Variants in LBR observed in about 807,000 individuals in gnomAD.
LBR encodes lamin B receptor, also known as delta(14)-sterol reductase LBR.
Under a neutral mutation model 74.3 loss-of-function variants are expected in LBR, and 28 were observed. That is an observed-to-expected ratio of 0.38 (90% CI 0.28 to 0.52). LBR has a LOEUF of 0.52. Among genes scored for constraint, LBR ranks in the 20% least tolerant of loss-of-function variants. LBR has a pLI of 0.89. For missense variants in LBR, 717 were observed against 760.3 expected (o/e 0.94, Z 0.67); for synonymous variants, 228 against 269.3 (o/e 0.85, Z 1.50).
At position 225,412,543 on chromosome 1, in the gene LBR, G is replaced by C. The variant is rs141647564; in HGVS notation, c.995C>G (p.Ala332Gly). 3.7e-6 allele frequency: 6 copies of C among 1,613,694 alleles called. No homozygotes were observed. The highest frequency in any genetic ancestry group is 1.6e-4 in the Middle Eastern group (1 of 6,062). The change falls in exon 8 of 14, where the codon GCG becomes GGG. Residue 332 changes from alanine to glycine, a missense_variant. By Grantham distance (60) the Ala-to-Gly change is moderately conservative. Coordinates refer to ENST00000272163, the MANE Select transcript of LBR (RefSeq NM_002296.4). Reference sequence around the variant, plus strand: ...CAAGACCACACAAAAAACAGTGGCCGCAAGTGCAAACTGAAGAAAATGACT... The same window carrying C: ...CAAGACCACACAAAAAACAGTGGCCCCAAGTGCAAACTGAAGAAAATGACT... Reference protein sequence around the residue: ...VYSHFLQFALAATVFCVVLSV... With the variant: ...VYSHFLQFALGATVFCVVLSV...
chr1:225,428,350 G>A (rs1212668942), upstream of LBR, among the ~76,000 whole-genome samples: 1 of 152,184 alleles, frequency 6.6e-6, no homozygotes, highest in African/African-American at 2.4e-5. Context: ...CGCCCTCGCA[G>A]CACACGGAGC....
chr1:225,427,340 G>C (rs545539422), intron 1 of LBR: 1 of 152,380 alleles, frequency 6.6e-6, no homozygotes, highest in South Asian at 2.1e-4. Flanking sequence ...CCCGATTTTT[G>C]AGACTGTCCG....
intron 9 of LBR, 46 bp from the exon 10 acceptor site, chr1:225,410,462 A>G (rs758072277): frequency 1.2e-5 from 20 of 1,604,086 alleles, no homozygotes; most frequent in Admixed American, 1.7e-5. Context: ...ACCTCCCCAG[A>G]GACCTTAGCA....
intron 7 of LBR, among the ~76,000 whole-genome samples, 164 bp from the exon 8 acceptor site, chr1:225,412,809 A>AT (rs2096109001): frequency 2.6e-5 from 4 of 152,230 alleles, no homozygotes; most frequent in Non-Finnish European, 5.9e-5. Flanking sequence ...CTGAGGTATA[A>AT]TTTTCAATAT....
chr1:225,402,929 T>A lies in LBR; in HGVS notation c.*374A>T. The A allele has an allele frequency of 5.2e-6, 1 of 192,652 alleles. No homozygotes were observed. The highest frequency in any genetic ancestry group is 1.1e-5 in the Non-Finnish European group (1 of 92,488). The allele number at this position is 192,652 out of a possible 1,614,324, so 11.9% of individuals were successfully genotyped here. A position where few individuals can be genotyped will look rare whatever the true frequency, so the allele number is the denominator to read the frequency against. ...ACTTTAAATGGAACAGTGTTTTCAT[T>A]TAAGAAAAGCCAACTGGCAAAAAAA... On this transcript the variant is annotated 3_prime_UTR_variant, in exon 14 of 14. Transcript: ENST00000272163.
In LBR at chr1:225,403,206, T is replaced by C; in HGVS notation, c.*97A>G. The C allele has an allele frequency of 8.6e-7, 1 of 1,158,830 alleles. No individual in the cohort carries two copies. Among genetic ancestry groups the C allele is most frequent in the Admixed American group, 1.7e-5 (1 of 59,192 alleles). The allele number at this position is 1,158,830 out of a possible 1,614,324, so 71.8% of individuals were successfully genotyped here. A position where few individuals can be genotyped will look rare whatever the true frequency, so the allele number is the denominator to read the frequency against. On this transcript the variant is annotated 3_prime_UTR_variant, in exon 14 of 14. Coordinates refer to ENST00000272163, the MANE Select transcript of LBR (RefSeq NM_002296.4). ...AAAAGAAAAAAAAAAGTACAGACCC[T>C]GTCAGTGCAACAAAAGAAAGTTTCG...
At chr1:225,409,594 T>C (rs1439156684) in intron 10 of LBR, among the ~76,000 whole-genome samples, 1 of 152,092 alleles carries the variant, frequency 6.6e-6, no homozygotes, top group Admixed American at 6.5e-5. Flanking sequence ...GTTTTTAATA[T>C]GGAAAGAAAA....
chr1:225,409,547 T>G (rs954123463), intron 10 of LBR, among the ~76,000 whole-genome samples: 2 of 152,240 alleles, frequency 1.3e-5, no homozygotes, highest in African/African-American at 4.8e-5. Context: ...TCACTAAAAC[T>G]TGTTTTGGAA....
At position 225,411,392 on chromosome 1, in the gene LBR, A is replaced by G; in HGVS notation, c.1133T>C (p.Ile378Thr). ...FFIGRELNPR[I>T]GTFDLKYFCE... is the part of the protein sequence containing the mutation. ...AAAGTATTTGAGATCAAAAGTACCA[A>G]TTCGAGGGTTTAATTCACGGCCAAT... is the stretch of plus-strand genomic sequence containing the variant. Residue 378 changes from isoleucine to threonine, a missense_variant, in exon 9 of 14, where the codon ATT (isoleucine) becomes ACT (threonine). By Grantham distance (89) the Ile-to-Thr change is moderately conservative (BLOSUM62 -1). Coordinates refer to ENST00000272163, the MANE Select transcript of LBR (RefSeq NM_002296.4). 1 of 1,614,138 alleles carries G rather than the reference A, an allele frequency of 6.2e-7. No homozygotes were observed.
Position 225,411,574 on chromosome 1 carries a change from A to G in LBR, c.1085-134T>C, listed in dbSNP as rs2096105724. On this transcript the variant is annotated intron_variant, in intron 8 of 13. Transcript: ENST00000272163. ...CCCTGAGCAGGGCTCTGGTGGTGAG[A>G]GGCAGACAGGACGGCACAGACGAGC... 21 of 735,378 alleles carry G rather than the reference A, an allele frequency of 2.9e-5. No individual in the cohort carries two copies. The South Asian group carries it at 2.9e-4, about 10-fold the overall frequency. The allele number at this position is 735,378 out of a possible 1,614,324, so 45.6% of individuals were successfully genotyped here. A position where few individuals can be genotyped will look rare whatever the true frequency, so the allele number is the denominator to read the frequency against.
intron 3 of LBR, 126 bp downstream of exon 3, chr1:225,421,951 C>T (rs1242858500): frequency 1.1e-6 from 1 of 919,626 alleles, no homozygotes; most frequent in Non-Finnish European, 1.7e-6. Context: ...TATATGAAAA[C>T]TCCCAAAGTC....
intron 11 of LBR, among the ~76,000 whole-genome samples, chr1:225,405,937 C>A (rs752864763): frequency 5.9e-5 from 9 of 152,184 alleles, no homozygotes; most frequent in Non-Finnish European, 1.3e-4. Flanking sequence ...TTTCCCTGCC[C>A]AACCTCTAGT....
rs377008758 is a variant in LBR, at chr1:225,403,337, C to T, written c.1814G>A (p.Arg605His). Residue 605 changes from arginine to histidine, a missense_variant, in exon 14 of 14, where the codon CGT becomes CAT. Physicochemically the swap from Arg to His is conservative, Grantham distance 29. Transcript: ENST00000272163. ...YGVAWEKYCQ[R>H]VPYRIFPYIY ...GTATGGAAATATACGGTAGGGCACA[C>T]GCTGACAGTACTTTTCCCAAGCCAC... 1.9e-5 allele frequency: 31 copies of T among 1,613,106 alleles called. No individual in the cohort carries two copies. The highest frequency in any genetic ancestry group is 3.3e-5 in the South Asian group (3 of 91,072).
At chr1:225,428,391 C>T (rs1397006324), upstream of LBR, among the ~76,000 whole-genome samples, 2 of 152,234 alleles carry the variant, frequency 1.3e-5, no homozygotes, top group African/African-American at 4.8e-5. Flanking sequence ...CCTCCCAGCG[C>T]TCGCAGCAGT....
chr1:225,421,704 A>C (rs1407160880), intron 3 of LBR, among the ~76,000 whole-genome samples: 1 of 152,258 alleles, frequency 6.6e-6, no homozygotes, highest in Non-Finnish European at 1.5e-5. Flanking sequence ...AAAGTGATAA[A>C]GTATAATGAT....
chr1:225,423,826 C>T (rs1027030476), intron 2 of LBR, 85 bp downstream of exon 2: 1 of 1,325,096 alleles, frequency 7.5e-7, no homozygotes, highest in South Asian at 1.2e-5. Flanking sequence ...CCGAGCTGAA[C>T]TGACTATCCT....
chr1:225,424,156 A>G, intron 1 of LBR, 67 bp from the exon 2 acceptor site: 2 of 1,193,184 alleles, frequency 1.7e-6, no homozygotes, highest in Non-Finnish European at 2.5e-6. Context: ...CTTTTTCCAC[A>G]GGCTGATCAC....
intron 10 of LBR, among the ~76,000 whole-genome samples, chr1:225,407,892 T>G (rs2096095808): frequency 6.6e-6 from 1 of 152,000 alleles, no homozygotes; most frequent in Admixed American, 6.6e-5. Flanking sequence ...GAGTACTTTA[T>G]TCTCTTTAAA....
rs934796772 is a variant in LBR, at chr1:225,412,434, T to A, written c.1084+20A>T. ...GGCTCTGGGACGCATTCATCCAACA[T>A]GCAATTCATCACTGCTCACCAGAGC... On this transcript the variant is annotated intron_variant, in intron 8 of 13. Coordinates refer to ENST00000272163, the MANE Select transcript of LBR (RefSeq NM_002296.4). The A allele has an allele frequency of 2.5e-6, 4 of 1,612,648 alleles. No homozygotes were observed. In the Admixed American group the frequency reaches 6.7e-5, roughly 27 times the overall value.
Sources: allele counts gnomAD v4.1 joint callset (sites outside exome capture counted in the v4.1 genomes callset), GRCh38; gene constraint gnomAD v4.1.1; transcripts MANE v1.5; gene names NCBI Gene and HGNC (gene_info 2026-07-23, HGNC 2026-07-21).